Variants in RHNO1 observed in about 807,000 individuals in gnomAD.
RHNO1 encodes the protein RAD9, HUS1, RAD1-interacting nuclear orphan protein 1.
RHNO1 carries 9 observed loss-of-function variants against 7.2 expected under a neutral mutation model. The ratio of observed to expected loss-of-function variants is 1.25; its 90% CI spans 0.75 to 2.18. The LOEUF (loss-of-function observed/expected upper bound fraction) is 2.18, where lower values mean the gene tolerates loss of function less well. Among genes scored for constraint, RHNO1 ranks in the 30% most tolerant of loss-of-function variants. RHNO1 has a pLI of 0.00. For missense variants in RHNO1, 292 were observed against 284.5 expected, an observed-to-expected ratio of 1.03 and a Z score of -0.19; for synonymous variants, 95 against 107.5, an observed-to-expected ratio of 0.88 and a Z score of 0.72.
At chr12:2,884,208 G>GCCCCCT (rs2098162615) in intron 1 of RHNO1, among the ~76,000 whole-genome samples, 1 of 151,054 alleles carries the variant, frequency 6.6e-6, no homozygotes, top group African/African-American at 2.5e-5. Flanking sequence ...TTACAGGCAT[G>GCCCCCT]CACCACCACA....
Position 2,884,609 on chromosome 12 carries a change from T to A in RHNO1, c.-84-674T>A, listed in dbSNP as rs912591391. ...AACTCCTGACCTCAGGTGATCCGCC[T>A]GCCTCAGCCTCCCAAAGTGCTGGGA... On this transcript the variant is annotated intron_variant, in intron 1 of 2. Transcript: ENST00000489288. Among the ~76,000 whole-genome samples, 10 of 152,262 alleles carry A rather than the reference T, an allele frequency of 6.6e-5. No individual in the cohort carries two copies. The East Asian group carries it at 1.7e-3, about 26-fold the overall frequency.
chr12:2,883,536 A>G (rs1241582214), intron 1 of RHNO1, among the ~76,000 whole-genome samples: 1 of 37,016 alleles, frequency 2.7e-5, no homozygotes, highest in Admixed American at 3.7e-4. Context: ...TTTTTTTTTG[A>G]GACGGAGTTT....
At chr12:2,884,722 C>T (rs1231538728) in intron 1 of RHNO1, among the ~76,000 whole-genome samples, 1 of 152,090 alleles carries the variant, frequency 6.6e-6, no homozygotes, top group Non-Finnish European at 1.5e-5. Flanking sequence ...GAGTTCTTGC[C>T]ATTTATCTTC....
At chr12:2,881,732 C>G (rs2153944708) in intron 1 of RHNO1, among the ~76,000 whole-genome samples, 1 of 151,660 alleles carries the variant, frequency 6.6e-6, no homozygotes, top group Admixed American at 6.6e-5. Flanking sequence ...TAGCGAAACC[C>G]CGTCTCTACT....
At chr12:2,881,774 G>T (rs749463441) in intron 1 of RHNO1, among the ~76,000 whole-genome samples, 3 of 151,500 alleles carry the variant, frequency 2.0e-5, no homozygotes, top group African/African-American at 7.3e-5. Context: ...GCATGGTGGC[G>T]TGCGCCTGTA....
chr12:2,888,527 GGTTTTT>G lies in RHNO1; in HGVS notation c.*82_*87del, dbSNP rs1402081302. 9 of 1,405,526 alleles carry G rather than the reference GGTTTTT, an allele frequency of 6.4e-6. No homozygotes were observed. Among genetic ancestry groups the G allele is most frequent in the South Asian group, 4.4e-5 (3 of 68,246 alleles). 87.1% of individuals were successfully genotyped at this position (1,405,526 alleles called of 1,614,324 possible). On this transcript the variant is annotated 3_prime_UTR_variant, in exon 3 of 3. Transcript: ENST00000489288. ...AGTCATAAAGGAATTCAATTCCTAG[GGTTTTT>G]GTTTTTGTTTTTGAGATGTAATATT...
chr12:2,888,144 C>T lies in RHNO1; in HGVS notation c.402C>T (p.Pro134=), dbSNP rs2153946346. ...GACCCTTAGTTCCAGTGCTCAGTCC[C>T]CAAAGCTGTGGGAACATGTCAGTGC... ...SRRPLVPVLS[P]QSCGNMSVQA... is the part of the protein sequence containing the mutation. Residue 134 remains proline (P), a synonymous_variant, in exon 3 of 3, where the codon CCC becomes CCT. Transcript: ENST00000489288. 6.2e-7 allele frequency: 1 copy of T among 1,614,020 alleles called. No homozygotes were observed. The highest frequency in any genetic ancestry group is 1.1e-5 in the South Asian group (1 of 91,066).
chr12:2,887,626 C>T (rs561346848), intron 2 of RHNO1, among the ~76,000 whole-genome samples: 22 of 152,150 alleles, frequency 1.4e-4, no homozygotes, highest in South Asian at 8.3e-4. Flanking sequence ...CCAGCCTAGA[C>T]GTCGGAGTGA....
intron 2 of RHNO1, among the ~76,000 whole-genome samples, chr12:2,887,536 C>G (rs1332262071): frequency 6.6e-6 from 1 of 151,398 alleles, no homozygotes; most frequent in Non-Finnish European, 1.5e-5. Context: ...GTAGTCCCAG[C>G]TACTCGGGAA....
chr12:2,882,989 C>T (rs1164380423), intron 1 of RHNO1, among the ~76,000 whole-genome samples: 1 of 147,844 alleles, frequency 6.8e-6, no homozygotes, highest in East Asian at 2.0e-4. Context: ...ATTGCTTGGG[C>T]TTTAGAGGTT....
At chr12:2,884,999 C>T (rs1025570547) in intron 1 of RHNO1, among the ~76,000 whole-genome samples, 1 of 152,186 alleles carries the variant, frequency 6.6e-6, no homozygotes, top group Non-Finnish European at 1.5e-5. Context: ...CAGGGATGAC[C>T]TCTGTATCAC....
At chr12:2,878,799 G>A (rs752908587) in intron 1 of RHNO1, among the ~76,000 whole-genome samples, 3 of 151,820 alleles carry the variant, frequency 2.0e-5, no homozygotes, top group Non-Finnish European at 4.4e-5. Flanking sequence ...TGGATGGGAG[G>A]TAGAAGTGTC....
At position 2,888,614 on chromosome 12, in the gene RHNO1, A is replaced by G. The variant is rs773928239; in HGVS notation, c.*155A>G. On this transcript the variant is annotated 3_prime_UTR_variant, in exon 3 of 3. Transcript: ENST00000489288. ...ATGATCTCACCTTACTGCAACCACC[A>G]CTTCCTGGGTTCAAGCGATTCTCCT... The G allele has an allele frequency of 3.7e-6, 2 of 546,980 alleles. No homozygotes were observed. The highest frequency in any genetic ancestry group is 6.0e-6 in the Non-Finnish European group (2 of 334,466). The allele number at this position is 546,980 out of a possible 1,614,324, so 33.9% of individuals were successfully genotyped here.
At chr12:2,881,682 G>A (rs1184186578) in intron 1 of RHNO1, among the ~76,000 whole-genome samples, 1 of 151,712 alleles carries the variant, frequency 6.6e-6, no homozygotes, top group Non-Finnish European at 1.5e-5. Flanking sequence ...CGAGGCGGGT[G>A]GATCACGAGG....
At chr12:2,887,456 G>A (rs377493600) in intron 2 of RHNO1, among the ~76,000 whole-genome samples, 2 of 137,470 alleles carry the variant, frequency 1.5e-5, no homozygotes, top group South Asian at 2.3e-4. Context: ...CAGCCTGGGC[G>A]ACAAGAGCAA....
At chr12:2,883,084 A>AAAAAAAAAACACAC (rs1176902071) in intron 1 of RHNO1, among the ~76,000 whole-genome samples, 2 of 99,804 alleles carry the variant, frequency 2.0e-5, no homozygotes, top group African/African-American at 8.0e-5. Flanking sequence ...AAAAAAAAAA[A>AAAAAAAAAACACAC]ACACATAGAA....
At position 2,885,340 on chromosome 12, in the gene RHNO1, TACTA is replaced by T; in HGVS notation, c.-23_-20del. ...CCGAAGGCTAACAGCATCATGTGGT[TACTA>T]ACTGTTCCTCATTCACCGGTTGATG... On this transcript the variant is annotated 5_prime_UTR_variant, in exon 2 of 3. Transcript: ENST00000489288. 1.2e-6 allele frequency: 2 copies of T among 1,605,970 alleles called. No individual in the cohort carries two copies. The highest frequency in any genetic ancestry group is 1.7e-4 in the Middle Eastern group (1 of 6,002).
intron 1 of RHNO1, among the ~76,000 whole-genome samples, chr12:2,883,066 C>CAAA (rs776370244): frequency 2.7e-5 from 1 of 36,508 alleles, no homozygotes. Context: ...GGCCCTGTCT[C>CAAA]AAAAAAAAAA....
rs1162983697 is a variant in RHNO1, at chr12:2,888,982, C to T, written c.*523C>T. On this transcript the variant is annotated 3_prime_UTR_variant, in exon 3 of 3. Coordinates refer to ENST00000489288, the MANE Select transcript of RHNO1 (RefSeq NM_001252499.3). Reference sequence around the variant, plus strand: ...AAGTTTTTTTAGAGAATCCTGCTTCCATCAGTAATACAGCAATATTACCCC... The same window carrying T: ...AAGTTTTTTTAGAGAATCCTGCTTCTATCAGTAATACAGCAATATTACCCC... 1 of 152,338 alleles carries T rather than the reference C, an allele frequency of 6.6e-6. No homozygotes were observed. Among genetic ancestry groups the T allele is most frequent in the Non-Finnish European group, 1.5e-5 (1 of 68,242 alleles). The allele number at this position is 152,338 out of a possible 1,614,324, so 9.4% of individuals were successfully genotyped here. A position where few individuals can be genotyped will look rare whatever the true frequency, so the allele number is the denominator to read the frequency against.
Sources: allele counts gnomAD v4.1 joint callset (sites outside exome capture counted in the v4.1 genomes callset), GRCh38; gene constraint gnomAD v4.1.1; transcripts MANE v1.5; gene names NCBI Gene and HGNC (gene_info 2026-07-23, HGNC 2026-07-21).